The following MAGI2 variants were observed in gnomAD, a reference collection of about 807,000 sequenced individuals.
MAGI2 encodes membrane-associated guanylate kinase, WW and PDZ domain-containing protein 2.
MAGI2 carries 35 observed loss-of-function variants against 133.3 expected under a neutral mutation model. That is an observed-to-expected ratio of 0.26 (90% CI 0.20 to 0.35). The LOEUF (loss-of-function observed/expected upper bound fraction) is 0.35. Ranked by LOEUF, MAGI2 falls within the 10% of genes least tolerant of loss-of-function variation. The pLI is 1.00. For missense variants in MAGI2, 1,636 were observed against 1,863.4 expected (o/e 0.88, Z 2.25); for synonymous variants, 729 against 710.6 (o/e 1.03, Z -0.41).
At chr7:78,040,865 G>A (rs1810759317) in intron 21 of MAGI2, among the ~76,000 whole-genome samples, 1 of 152,178 alleles carries the variant, frequency 6.6e-6, no homozygotes, top group African/African-American at 2.4e-5. Flanking sequence ...AATCGTTTGA[G>A]AGGCCTTTCG....
intron 1 of MAGI2, among the ~76,000 whole-genome samples, chr7:79,315,325 A>ATT (rs775143230): frequency 6.5e-5 from 6 of 92,480 alleles, no homozygotes; most frequent in Admixed American, 1.3e-4. Context: ...TGCCCAGTTA[A>ATT]TTTTTTTTTT....
chr7:78,455,947 G>T (rs1184052756), intron 6 of MAGI2, among the ~76,000 whole-genome samples: 1 of 150,738 alleles, frequency 6.6e-6, no homozygotes, highest in Non-Finnish European at 1.5e-5. Context: ...ACCTGGGTCT[G>T]GGCATTTGAA....
intron 6 of MAGI2, among the ~76,000 whole-genome samples, chr7:78,369,430 C>T (rs1380434018): frequency 1.3e-5 from 2 of 152,070 alleles, no homozygotes; most frequent in East Asian, 1.9e-4. Context: ...TCTGCAGATA[C>T]ACTGCTCGGT....
intron 21 of MAGI2, among the ~76,000 whole-genome samples, chr7:78,047,706 C>T (rs1584938527): frequency 6.6e-6 from 1 of 152,380 alleles, no homozygotes; most frequent in East Asian, 1.9e-4. Context: ...TGCCCCACTG[C>T]TCTGACTGCC....
At chr7:78,452,890 AAAT>A (rs1788877477) in intron 6 of MAGI2, among the ~76,000 whole-genome samples, 4 of 152,126 alleles carry the variant, frequency 2.6e-5, no homozygotes, top group Admixed American at 2.0e-4. Context: ...AAAATTTAGA[AAAT>A]AAGATCATTT....
intron 21 of MAGI2, among the ~76,000 whole-genome samples, chr7:78,051,274 C>T (rs1411291883): frequency 6.6e-6 from 1 of 152,174 alleles, no homozygotes; most frequent in Non-Finnish European, 1.5e-5. Flanking sequence ...CTCCGAGGTG[C>T]TGGAGAGGGC....
chr7:79,382,669 T>C (rs1371041090), intron 1 of MAGI2, among the ~76,000 whole-genome samples: 1 of 151,668 alleles, frequency 6.6e-6, no homozygotes, highest in African/African-American at 2.4e-5. Context: ...ACCTGGCATA[T>C]GGTCACTGCT....
rs35069216 is a variant in MAGI2 at position 78,564,783 on chromosome 7, CTTTTTTTTTTTTTT to C, written c.539-43152_539-43139del. 1.4e-4 allele frequency among the ~76,000 whole-genome samples: 9 copies of C among 64,360 alleles called. No individual in the cohort carries two copies. In the East Asian group the frequency reaches 2.7e-3, roughly 20 times the overall value. The allele number at this position is 64,360 out of a possible 152,430, so 42.2% of individuals were successfully genotyped here. ...TACTTCATCTCATCTCTTTGACATT[CTTTTTTTTTTTTTT>C]TTTTTTTTTTTTTTGAGACGGAGTC... On this transcript the variant is annotated intron_variant, in intron 3 of 21. Transcript: ENST00000354212.
At chr7:79,297,912 C>T (rs1585475315) in intron 1 of MAGI2, among the ~76,000 whole-genome samples, 1 of 152,238 alleles carries the variant, frequency 6.6e-6, no homozygotes, top group South Asian at 2.1e-4. Flanking sequence ...ACAGATATTC[C>T]CTGCTACATT....
intron 1 of MAGI2, among the ~76,000 whole-genome samples, chr7:79,362,406 T>A (rs530554795): frequency 6.6e-6 from 1 of 152,088 alleles, no homozygotes; most frequent in African/African-American, 2.4e-5. Flanking sequence ...TTCAGGCTCA[T>A]ACTGTTTCAC....
intron 1 of MAGI2, among the ~76,000 whole-genome samples, chr7:79,028,006 G>A (rs1810073301): frequency 6.6e-6 from 1 of 151,388 alleles, no homozygotes; most frequent in Non-Finnish European, 1.5e-5. Context: ...CAGGTCAAGA[G>A]ATCAAGAACA....
intron 2 of MAGI2, among the ~76,000 whole-genome samples, chr7:78,779,939 C>A (rs1254239369): frequency 1.3e-5 from 2 of 152,178 alleles, no homozygotes; most frequent in African/African-American, 4.8e-5. Flanking sequence ...GGATTAACAC[C>A]TTTCAATACA....
intron 6 of MAGI2, among the ~76,000 whole-genome samples, chr7:78,407,743 C>T (rs1044259383): frequency 6.6e-6 from 1 of 151,518 alleles, no homozygotes; most frequent in African/African-American, 2.4e-5. Flanking sequence ...GACAAAAACA[C>T]AAGAAAAGTC....
At chr7:79,402,343 C>G (rs1438630746) in intron 1 of MAGI2, among the ~76,000 whole-genome samples, 1 of 152,066 alleles carries the variant, frequency 6.6e-6, no homozygotes, top group Admixed American at 6.5e-5. Context: ...TCATTGAAAA[C>G]TGAAGTTCAG....
chr7:79,406,419 A>T (rs1383974675), intron 1 of MAGI2, among the ~76,000 whole-genome samples: 1 of 152,160 alleles, frequency 6.6e-6, no homozygotes, highest in Non-Finnish European at 1.5e-5. Context: ...ACTATATTTC[A>T]ACAACTAGAG....
At chr7:79,345,489 C>T (rs937581056) in intron 1 of MAGI2, among the ~76,000 whole-genome samples, 10 of 151,902 alleles carry the variant, frequency 6.6e-5, no homozygotes, top group Admixed American at 3.3e-4. Context: ...TACAACAGTC[C>T]GAGCATACTA....
At chr7:78,658,352 C>A (rs1305954545) in intron 2 of MAGI2, among the ~76,000 whole-genome samples, 1 of 152,150 alleles carries the variant, frequency 6.6e-6, no homozygotes, top group African/African-American at 2.4e-5. Context: ...GGATTATGGA[C>A]TTAAATGTAA....
chr7:79,157,039 G>A (rs75478681), intron 1 of MAGI2, among the ~76,000 whole-genome samples: 2 of 151,948 alleles, frequency 1.3e-5, no homozygotes, highest in African/African-American at 4.8e-5. Flanking sequence ...TTTTCTCCTA[G>A]GAAGTTGTTG....
At chr7:78,364,194 G>A (rs1202622042) in intron 7 of MAGI2, among the ~76,000 whole-genome samples, 4 of 152,162 alleles carry the variant, frequency 2.6e-5, no homozygotes, top group Non-Finnish European at 4.4e-5. Flanking sequence ...GCTTTCCTTA[G>A]TGAGATTTTA....
Sources: allele counts gnomAD v4.1 joint callset (sites outside exome capture counted in the v4.1 genomes callset), GRCh38; gene constraint gnomAD v4.1.1; transcripts MANE v1.5; gene names NCBI Gene and HGNC (gene_info 2026-07-23, HGNC 2026-07-21).